Variants in SLC34A2 observed in about 807,000 individuals in gnomAD.
The protein encoded by SLC34A2 is sodium-dependent phosphate transport protein 2B.
A neutral mutation model predicts 50.8 loss-of-function variants in SLC34A2; 41 were observed. The observed-to-expected ratio is 0.81, with a 90% CI of 0.63 to 1.05. The LOEUF (loss-of-function observed/expected upper bound fraction) is 1.05, where lower values mean the gene tolerates loss of function less well. Ranked by LOEUF, SLC34A2 falls within the 50% of genes least tolerant of loss-of-function variation. The pLI, the probability that SLC34A2 is intolerant of heterozygous loss-of-function variation, is 0.00. For missense variants in SLC34A2, 879 were observed against 876.7 expected (o/e 1.00, Z -0.03); for synonymous variants, 401 against 364.2 (o/e 1.10, Z -1.15).
intron 3 of SLC34A2, among the ~76,000 whole-genome samples, chr4:25,663,555 C>A (rs997340703): frequency 6.6e-6 from 1 of 152,074 alleles, no homozygotes; most frequent in Non-Finnish European, 1.5e-5. Flanking sequence ...TGTTTCATTT[C>A]CAAATGTATG....
At chr4:25,660,071 C>CT (rs1461444324) in intron 1 of SLC34A2, among the ~76,000 whole-genome samples, 3 of 152,184 alleles carry the variant, frequency 2.0e-5, no homozygotes, top group Non-Finnish European at 4.4e-5. Flanking sequence ...AGTAATTTCT[C>CT]TTTTTTCATT....
intron 1 of SLC34A2, among the ~76,000 whole-genome samples, chr4:25,658,097 C>T (rs537042792): frequency 1.3e-5 from 2 of 152,210 alleles, no homozygotes; most frequent in South Asian, 2.1e-4. Flanking sequence ...AGCCATTAAC[C>T]TCTCTGTGGC....
Position 25,676,634 on chromosome 4 carries a change from A to AT in SLC34A2, c.1958_1959insT (p.Glu653AspfsTer11). On this transcript the variant is annotated frameshift_variant, in exon 13 of 13. Coordinates refer to ENST00000382051, the MANE Select transcript of SLC34A2 (RefSeq NM_006424.3). LOFTEE classifies it low-confidence loss of function (END_TRUNC). ...TGCGAGGACTTGGAGGAGGCGCAGG[A>AT]GGGGCAGGATGTCCCTGTCAAGGCT... 6.2e-7 allele frequency: 1 copy of AT among 1,614,100 alleles called. No homozygotes were observed. The highest frequency in any genetic ancestry group is 1.1e-5 in the South Asian group (1 of 91,086).
chr4:25,664,293 C>A lies in SLC34A2; in HGVS notation c.342C>A (p.Ser114=). 1 of 1,613,742 alleles carries A rather than the reference C, an allele frequency of 6.2e-7. No homozygotes were observed. Among genetic ancestry groups the A allele is most frequent in the Non-Finnish European group, 8.5e-7 (1 of 1,179,956 alleles). ...LLGFLYFFVC[S]LDILSSAFQL... ...GATTTCTCTACTTTTTCGTGTGCTCCCTGGATATTCTTAGTAGCGCCTTCC... is the reference window on the plus strand; with the variant it reads ...GATTTCTCTACTTTTTCGTGTGCTCACTGGATATTCTTAGTAGCGCCTTCC... The change falls in exon 4 of 13, where the codon TCC becomes TCA. Residue 114 remains serine (S), a synonymous_variant. Transcript: ENST00000382051.
In SLC34A2 at chr4:25,671,653, T is replaced by A; in HGVS notation, c.980T>A (p.Leu327His). The stretch of plus-strand genomic sequence containing the variant: ...ACTGCTAACTGCACCTCCCCTTCCC[T>A]CTGTTGGACGGATGGCATCCAAAAC... ...PSTANCTSPS[L>H]CWTDGIQNWT... Residue 327 changes from leucine to histidine, a missense_variant, in exon 9 of 13, where the codon CTC becomes CAC. Transcript: ENST00000382051. The A allele has an allele frequency of 2.5e-6, 4 of 1,614,076 alleles. No individual in the cohort carries two copies. The highest frequency in any genetic ancestry group is 3.4e-6 in the Non-Finnish European group (4 of 1,180,010).
chr4:25,663,115 C>T (rs1479129929), intron 3 of SLC34A2, among the ~76,000 whole-genome samples: 2 of 152,040 alleles, frequency 1.3e-5, no homozygotes, highest in African/African-American at 4.8e-5. Context: ...GCTGGGATTA[C>T]AGGCTAATTT....
chr4:25,678,614 C>T lies in SLC34A2; in HGVS notation c.*1865C>T. On this transcript the variant is annotated 3_prime_UTR_variant, in exon 13 of 13. Transcript: ENST00000382051. ...CAGGCTGGTCTCAAACTCCTGAGAT[C>T]AAGCAATCCGCCCACCTCAGCCTCC... is the stretch of plus-strand genomic sequence containing the variant. 1 of 302,958 alleles carries T rather than the reference C, an allele frequency of 3.3e-6. No homozygotes were observed. Among genetic ancestry groups the T allele is most frequent in the East Asian group, 5.9e-5 (1 of 16,894 alleles). 18.8% of individuals were successfully genotyped at this position (302,958 alleles called of 1,614,324 possible). A position where few individuals can be genotyped will look rare whatever the true frequency, so the allele number is the denominator to read the frequency against.
rs180855992 is a variant in SLC34A2 at position 25,662,380 on chromosome 4, G to A, written c.-3-118G>A. ...AAATCTTTCCCTTCCTTTTACTGCC[G>A]CCTCCGGCCGAAACCCCCACCCAGT... On this transcript the variant is annotated intron_variant, in intron 1 of 12. Transcript: ENST00000382051. The A allele has an allele frequency of 7.7e-4, 647 of 835,558 alleles. 9 individuals are homozygous for A. The East Asian group carries it at 0.016, about 20-fold the overall frequency. 51.8% of individuals were successfully genotyped at this position (835,558 alleles called of 1,614,324 possible).
At chr4:25,675,346 T>C (rs923311908) in intron 12 of SLC34A2, among the ~76,000 whole-genome samples, 2 of 152,194 alleles carry the variant, frequency 1.3e-5, no homozygotes, top group African/African-American at 4.8e-5. Context: ...TTTGAATTCT[T>C]ATCTCACCAT....
At chr4:25,670,300 C>A (rs1176126531) in intron 7 of SLC34A2, among the ~76,000 whole-genome samples, 2 of 152,186 alleles carry the variant, frequency 1.3e-5, no homozygotes, top group Non-Finnish European at 2.9e-5. Context: ...TTTTGGGCCA[C>A]CTGATAGAGT....
rs1714902428 is a variant in SLC34A2 at position 25,673,072 on chromosome 4, T to C, written c.1049-15T>C. On this transcript the variant is annotated splice_polypyrimidine_tract_variant and intron_variant, in intron 9 of 12. Coordinates refer to ENST00000382051, the MANE Select transcript of SLC34A2 (RefSeq NM_006424.3). ...GCTCCATGCCCTCCTGACAAGATTC[T>C]TTGTGGTCTTTCAGGCCAGCATATC... is the stretch of plus-strand genomic sequence containing the variant. The C allele has an allele frequency of 1.2e-6, 2 of 1,614,020 alleles. No homozygotes were observed. Among genetic ancestry groups the C allele is most frequent in the Non-Finnish European group, 1.7e-6 (2 of 1,179,994 alleles).
chr4:25,670,866 G>A (rs1553854854), intron 8 of SLC34A2, 33 bp downstream of exon 8: 8 of 1,517,500 alleles, frequency 5.3e-6, no homozygotes, highest in Non-Finnish European at 7.3e-6. Context: ...GGGGCGGGGA[G>A]TGAACCTTTG....
intron 12 of SLC34A2, 140 bp downstream of exon 12, chr4:25,674,769 A>G: frequency 9.0e-7 from 1 of 1,112,930 alleles, no homozygotes; most frequent in Non-Finnish European, 1.3e-6. Context: ...AGCCACGGGT[A>G]AAGTTTTCAG....
In SLC34A2 at chr4:25,662,776, G is replaced by A. The variant is rs753379731; in HGVS notation, c.184G>A (p.Glu62Lys). ...CTACTCCACGGCTACACTGATAGAT[G>A]AGCCCACTGAGGTGGATGACCCCTG... Reference protein sequence around the residue: ...PSYSTATLIDEPTEVDDPWNL... With the variant: ...PSYSTATLIDKPTEVDDPWNL... The change falls in exon 3 of 13, where the codon GAG (glutamate) becomes AAG (lysine). Residue 62 changes from glutamate to lysine, a missense_variant. Coordinates refer to ENST00000382051, the MANE Select transcript of SLC34A2 (RefSeq NM_006424.3). 1.3e-5 allele frequency: 21 copies of A among 1,614,034 alleles called. No homozygotes were observed. The highest frequency in any genetic ancestry group is 1.4e-5 in the Non-Finnish European group (17 of 1,180,002).
intron 7 of SLC34A2, among the ~76,000 whole-genome samples, chr4:25,670,109 G>A (rs1288900763): frequency 6.6e-6 from 1 of 152,204 alleles, no homozygotes; most frequent in Non-Finnish European, 1.5e-5. Context: ...TGTAGTCCCA[G>A]CTATGTGGGG....
intron 3 of SLC34A2, among the ~76,000 whole-genome samples, chr4:25,663,443 C>T (rs1246354483): frequency 2.0e-5 from 3 of 152,124 alleles, no homozygotes; most frequent in Non-Finnish European, 2.9e-5. Context: ...CAGAAAAGGC[C>T]CCTCTTCTCA....
At chr4:25,658,520 C>G (rs975051409) in intron 1 of SLC34A2, among the ~76,000 whole-genome samples, 1 of 152,200 alleles carries the variant, frequency 6.6e-6, no homozygotes, top group Non-Finnish European at 1.5e-5. Context: ...ACCCTACATT[C>G]CCCTGCTTCC....
At chr4:25,674,024 GT>G (rs1220046850) in intron 10 of SLC34A2, among the ~76,000 whole-genome samples, 3 of 152,222 alleles carry the variant, frequency 2.0e-5, no homozygotes, top group Admixed American at 6.5e-5. Context: ...AAGGAGAGTG[GT>G]TACTTGGGTG....
In SLC34A2 at chr4:25,669,717, G is replaced by T. The variant is rs1489202319; in HGVS notation, c.706G>T (p.Val236Leu). The T allele has an allele frequency of 6.2e-7, 1 of 1,614,022 alleles. No homozygotes were observed. Among genetic ancestry groups the T allele is most frequent in the Non-Finnish European group, 8.5e-7 (1 of 1,180,028 alleles). ...LSVLVLLPVE[V>L]ATHYLEIITQ... ...CGTGTTGGTGCTCTTGCCCGTGGAG[G>T]TGGCCACCCATTACCTCGAGATCAT... is the stretch of plus-strand genomic sequence containing the variant. The change falls in exon 7 of 13, where the codon GTG becomes TTG. Residue 236 changes from valine (V) to leucine (L), a missense_variant. By Grantham distance (32) the Val-to-Leu change is conservative. Coordinates refer to ENST00000382051, the MANE Select transcript of SLC34A2 (RefSeq NM_006424.3).
Sources: allele counts gnomAD v4.1 joint callset (sites outside exome capture counted in the v4.1 genomes callset), GRCh38; gene constraint gnomAD v4.1.1; transcripts MANE v1.5; gene names NCBI Gene and HGNC (gene_info 2026-07-23, HGNC 2026-07-21).